IQCM: variants seen among roughly 807,000 people sequenced by gnomAD.
The protein encoded by IQCM is IQ domain-containing protein M.
Under a neutral mutation model 57.6 loss-of-function variants are expected in IQCM, and 45 were observed. The ratio of observed to expected loss-of-function variants is 0.78; its 90% confidence interval spans 0.62 to 1.00. The LOEUF is 1.00. Among genes scored for constraint, IQCM ranks in the 50% least tolerant of loss-of-function variants. The pLI, the probability that IQCM is intolerant of heterozygous loss-of-function variation, is 0.00. For missense variants in IQCM, 468 were observed against 511.6 expected (o/e 0.91, Z 0.82); for synonymous variants, 148 against 158.9 (o/e 0.93, Z 0.51).
At chr4:149,468,439 C>G (rs1739116280) in intron 12 of IQCM, among the ~76,000 whole-genome samples, 1 of 152,188 alleles carries the variant, frequency 6.6e-6, no homozygotes, top group South Asian at 2.1e-4. Flanking sequence ...GGGGCGTCCG[C>G]CATTGCTGAG....
intron 3 of IQCM, among the ~76,000 whole-genome samples, chr4:149,735,947 CT>C (rs142987177): frequency 2.0e-3 from 284 of 139,798 alleles, no homozygotes; most frequent in South Asian, 3.4e-3. Flanking sequence ...TTTCTTTCGA[CT>C]TTTTTTTTTT....
chr4:149,765,178 T>C (rs1313052331), intron 2 of IQCM, among the ~76,000 whole-genome samples: 1 of 152,104 alleles, frequency 6.6e-6, no homozygotes, highest in South Asian at 2.1e-4. Context: ...ATGTACTAGC[T>C]AATGCTGGGA....
At chr4:149,515,004 A>C (rs1246916738) in intron 12 of IQCM, among the ~76,000 whole-genome samples, 1 of 151,716 alleles carries the variant, frequency 6.6e-6, no homozygotes, top group Non-Finnish European at 1.5e-5. Flanking sequence ...CAGCTTGTAG[A>C]TGGCCTATTG....
chr4:149,757,239 C>A (rs1769058781), intron 2 of IQCM, among the ~76,000 whole-genome samples: 1 of 149,422 alleles, frequency 6.7e-6, no homozygotes, highest in South Asian at 2.1e-4. Context: ...GCCCGGGCAA[C>A]AAAGCGAGAC....
intron 12 of IQCM, among the ~76,000 whole-genome samples, chr4:149,473,868 C>T (rs957021124): frequency 3.9e-5 from 6 of 152,074 alleles, no homozygotes; most frequent in Non-Finnish European, 7.3e-5. Context: ...AGCAAACTAT[C>T]GCAAGGACAG....
intron 2 of IQCM, among the ~76,000 whole-genome samples, chr4:149,804,065 G>A (rs1185964154): frequency 6.6e-6 from 1 of 151,908 alleles, no homozygotes; most frequent in Admixed American, 6.6e-5. Context: ...GGCTATAGGA[G>A]GCTGGAGTTG....
intron 13 of IQCM, among the ~76,000 whole-genome samples, chr4:149,399,470 A>C (rs1348444245): frequency 6.6e-6 from 1 of 152,062 alleles, no homozygotes; most frequent in East Asian, 1.9e-4. Flanking sequence ...TAAGAAACAA[A>C]ACAAGAAAAA....
intron 13 of IQCM, among the ~76,000 whole-genome samples, chr4:149,374,911 G>A (rs1036869464): frequency 5.9e-5 from 9 of 151,818 alleles, no homozygotes; most frequent in Non-Finnish European, 1.3e-4. Context: ...CAAGACATGC[G>A]TATAAAAACT....
In IQCM at chr4:149,776,065, T is replaced by G. The variant is rs926512781; in HGVS notation, c.-48-33326A>C. ...AGAGGATCTTTTGAACACAAGAGTT[T>G]AAGGCTACAAGGAACTTTGATCATG... On this transcript the variant is annotated intron_variant, in intron 2 of 13. Coordinates refer to ENST00000636793, the MANE Select transcript of IQCM (RefSeq NM_001363507.2). Among the ~76,000 whole-genome samples, 5 of 152,114 alleles carry G rather than the reference T, an allele frequency of 3.3e-5. No individual in the cohort carries two copies. In the South Asian group the frequency reaches 1.0e-3, roughly 32 times the overall value.
At chr4:149,728,024 TCCTC>T (rs746902016) in intron 5 of IQCM, among the ~76,000 whole-genome samples, 42 of 152,166 alleles carry the variant, frequency 2.8e-4, no homozygotes, top group Non-Finnish European at 5.6e-4. Flanking sequence ...AACCAGGACT[TCCTC>T]CCTCCCCTCA....
At chr4:149,491,506 T>C (rs781715007) in intron 12 of IQCM, among the ~76,000 whole-genome samples, 18 of 152,120 alleles carry the variant, frequency 1.2e-4, no homozygotes, top group Non-Finnish European at 2.4e-4. Flanking sequence ...GGTGAGATCA[T>C]GTGGTATTTG....
intron 13 of IQCM, among the ~76,000 whole-genome samples, chr4:149,416,850 G>A (rs1180641205): frequency 6.6e-6 from 1 of 152,106 alleles, no homozygotes; most frequent in Non-Finnish European, 1.5e-5. Context: ...AATGTGACTT[G>A]AACAAGAATG....
chr4:149,561,749 A>G (rs1750141375), intron 10 of IQCM, among the ~76,000 whole-genome samples: 1 of 152,204 alleles, frequency 6.6e-6, no homozygotes, highest in Non-Finnish European at 1.5e-5. Flanking sequence ...CTGTGGTGCT[A>G]TGAATAGAAA....
At chr4:149,378,680 C>A (rs1401573677) in intron 13 of IQCM, among the ~76,000 whole-genome samples, 1 of 152,082 alleles carries the variant, frequency 6.6e-6, no homozygotes, top group Non-Finnish European at 1.5e-5. Flanking sequence ...ATAAGGGAAG[C>A]ACAGCATAAA....
At chr4:149,549,332 G>A (rs972426758) in intron 11 of IQCM, among the ~76,000 whole-genome samples, 4 of 152,000 alleles carry the variant, frequency 2.6e-5, no homozygotes, top group Middle Eastern at 3.4e-3. Context: ...CGGCTAAAAC[G>A]GTGAAACCCC....
At chr4:149,797,794 GA>G (rs59723652) in intron 2 of IQCM, among the ~76,000 whole-genome samples, 17,968 of 142,366 alleles carry the variant, frequency 0.13, 1,207 homozygotes, top group East Asian at 0.19. Flanking sequence ...AAATGCTGAA[GA>G]AAAAAAAAAA....
At chr4:149,650,369 G>C (rs908799884) in intron 7 of IQCM, among the ~76,000 whole-genome samples, 1 of 151,022 alleles carries the variant, frequency 6.6e-6, no homozygotes, top group Non-Finnish European at 1.5e-5. Flanking sequence ...AGGCAACATG[G>C]CCCTTCCAAC....
intron 2 of IQCM, among the ~76,000 whole-genome samples, chr4:149,761,902 A>G (rs1422331326): frequency 6.6e-6 from 1 of 152,108 alleles, no homozygotes; most frequent in Non-Finnish European, 1.5e-5. Flanking sequence ...ATTAATTAAG[A>G]GCAGTAAAAA....
In IQCM at chr4:149,531,176, T is replaced by G. The variant is rs999255197; in HGVS notation, c.1228+17279A>C. On this transcript the variant is annotated intron_variant, in intron 12 of 13. Transcript: ENST00000636793. ...TTACTATATTGATTGTATGATAAGA[T>G]TCTATGAAGAACTATTTGATTCATT... 7.2e-5 allele frequency among the ~76,000 whole-genome samples: 11 copies of G among 152,222 alleles called. No individual in the cohort carries two copies. The East Asian group carries it at 1.7e-3, about 24-fold the overall frequency.
Sources: allele counts gnomAD v4.1 joint callset (sites outside exome capture counted in the v4.1 genomes callset), GRCh38; gene constraint gnomAD v4.1.1; transcripts MANE v1.5; gene names NCBI Gene and HGNC (gene_info 2026-07-23, HGNC 2026-07-21).